Variants in ERCC6L2 observed in about 807,000 individuals in gnomAD.
ERCC6L2 encodes DNA excision repair protein ERCC-6-like 2.
In ERCC6L2, 77 loss-of-function variants were observed where a neutral mutation model predicts 132.0. The observed-to-expected ratio is 0.58, with a 90% CI of 0.49 to 0.71. The LOEUF is 0.71. Among genes scored for constraint, ERCC6L2 ranks in the 30% least tolerant of loss-of-function variants. The probability of loss-of-function intolerance (pLI) is 0.00; values close to 1 mark genes in which losing one functional copy is unlikely to be tolerated. For synonymous variants in ERCC6L2, 583 were observed against 632.4 expected (o/e 0.92, Z 1.17); for missense variants, 1,542 against 1,837.6 (o/e 0.84, Z 2.94).
intron 14 of ERCC6L2, chr9:95,967,512 T>C (rs904327875): frequency 2.0e-5 from 3 of 152,174 alleles, no homozygotes; most frequent in Non-Finnish European, 2.9e-5. Flanking sequence ...TTGAGGAACT[T>C]AAACCATCTT....
intron 19 of ERCC6L2, among the ~76,000 whole-genome samples, chr9:96,029,148 C>CA (rs750944818): frequency 4.6e-5 from 7 of 151,546 alleles, no homozygotes; most frequent in Non-Finnish European, 8.8e-5. Flanking sequence ...ACTAAAAATA[C>CA]AAAAAATTAG....
intron 17 of ERCC6L2, among the ~76,000 whole-genome samples, chr9:95,997,542 A>G (rs1833512325): frequency 6.6e-6 from 1 of 152,284 alleles, no homozygotes; most frequent in South Asian, 2.1e-4. Flanking sequence ...CTTAGTTGAT[A>G]AAGCAGTGGC....
chr9:96,037,961 A>G (rs927395021), intron 19 of ERCC6L2, among the ~76,000 whole-genome samples: 2 of 151,952 alleles, frequency 1.3e-5, no homozygotes, highest in African/African-American at 4.8e-5. Flanking sequence ...GACGGCTGGA[A>G]TAAGGGCAGA....
At chr9:95,977,736 T>C (rs1405011960) in intron 16 of ERCC6L2, among the ~76,000 whole-genome samples, 4 of 145,364 alleles carry the variant, frequency 2.8e-5, no homozygotes, top group Non-Finnish European at 6.1e-5. Context: ...GTGAACATCT[T>C]TTTTTTTTTT....
At chr9:95,880,390 C>G (rs1304249765) in intron 1 of ERCC6L2, among the ~76,000 whole-genome samples, 1 of 152,144 alleles carries the variant, frequency 6.6e-6, no homozygotes, top group African/African-American at 2.4e-5. Flanking sequence ...TTACCAAGTC[C>G]TATTCACGAT....
chr9:95,917,706 A>G (rs1477586477), intron 6 of ERCC6L2, among the ~76,000 whole-genome samples: 5 of 152,214 alleles, frequency 3.3e-5, no homozygotes, highest in African/African-American at 9.6e-5. Flanking sequence ...GGCCTCTGAA[A>G]TCAAATACTA....
chr9:95,939,749 G>A (rs116809712), intron 11 of ERCC6L2, among the ~76,000 whole-genome samples: 1,773 of 151,968 alleles, frequency 0.012, 44 homozygotes, highest in African/African-American at 0.04. Context: ...TTTTATGATG[G>A]CTTTGTTAAA....
At chr9:96,030,481 A>T (rs1255168040) in intron 19 of ERCC6L2, among the ~76,000 whole-genome samples, 1 of 152,012 alleles carries the variant, frequency 6.6e-6, no homozygotes, top group Non-Finnish European at 1.5e-5. Flanking sequence ...GCGGATCACG[A>T]TGTCAGGCGA....
chr9:95,962,000 C>CCCA (rs71368217), intron 13 of ERCC6L2, among the ~76,000 whole-genome samples: 44,816 of 151,746 alleles, frequency 0.3, 6,780 homozygotes, highest in East Asian at 0.4. Flanking sequence ...CTGGATCCCT[C>CCCA]CCACAACACA....
At chr9:95,948,076 A>G (rs867710119) in intron 12 of ERCC6L2, among the ~76,000 whole-genome samples, 10 of 152,180 alleles carry the variant, frequency 6.6e-5, no homozygotes, top group African/African-American at 1.9e-4. Context: ...GTAAGGCTAT[A>G]GCTGTCATAT....
At chr9:95,951,313 G>A (rs1371315522) in intron 12 of ERCC6L2, among the ~76,000 whole-genome samples, 1 of 152,106 alleles carries the variant, frequency 6.6e-6, no homozygotes, top group Non-Finnish European at 1.5e-5. Context: ...CAAAAGTAAT[G>A]CTAAGAGGGA....
rs761045031 is a variant in ERCC6L2 at position 95,881,261 on chromosome 9, G to A, written c.439G>A (p.Gly147Ser). The A allele has an allele frequency of 6.4e-7, 1 of 1,574,444 alleles. No homozygotes were observed. The highest frequency in any genetic ancestry group is 8.6e-7 in the Non-Finnish European group (1 of 1,167,540). ...HYIHGGGCILGDDMGLGKTVQ... is the reference protein window; with the variant it reads ...HYIHGGGCILSDDMGLGKTVQ... ...CATCCATGGAGGAGGGTGCATTCTG[G>A]GTGATGACATGGGACTTGGAAAAAC... The change falls in exon 2 of 19, where the codon GGT becomes AGT. Residue 147 changes from glycine (G) to serine (S), a missense_variant. By Grantham distance (56) the Gly-to-Ser change is moderately conservative. This residue lies in a region of ERCC6L2 where 945 missense variants were observed against 1,105.2 expected (regional missense o/e 0.86). Transcript: ENST00000653738.
At chr9:95,930,457 A>G (rs151004035) in intron 11 of ERCC6L2, among the ~76,000 whole-genome samples, 63 of 152,232 alleles carry the variant, frequency 4.1e-4, no homozygotes, top group African/African-American at 1.5e-3. Context: ...TATATTTAAT[A>G]TGTTGTGACA....
chr9:95,921,462 T>C lies in ERCC6L2; in HGVS notation c.1299+147T>C, dbSNP rs887426108. On this transcript the variant is annotated intron_variant, in intron 7 of 18. Coordinates refer to ENST00000653738, the MANE Select transcript of ERCC6L2 (RefSeq NM_020207.7). Reference sequence around the variant, plus strand: ...TTAAAAAATAGTTTTCAAAAATATTTTACAATATCAAATAGTAATCACATA... The same window carrying C: ...TTAAAAAATAGTTTTCAAAAATATTCTACAATATCAAATAGTAATCACATA... 7.9e-6 allele frequency: 4 copies of C among 507,128 alleles called. No individual in the cohort carries two copies. In the Admixed American group the frequency reaches 1.7e-4, roughly 22 times the overall value. 31.4% of individuals were successfully genotyped at this position (507,128 alleles called of 1,614,324 possible).
At chr9:95,914,066 C>A (rs373518694) in intron 4 of ERCC6L2, among the ~76,000 whole-genome samples, 2 of 152,266 alleles carry the variant, frequency 1.3e-5, no homozygotes, top group East Asian at 3.9e-4. Flanking sequence ...TTTTAAGAAA[C>A]CGCCATCTGT....
chr9:95,899,224 C>T (rs559200537), intron 3 of ERCC6L2, among the ~76,000 whole-genome samples: 2 of 151,954 alleles, frequency 1.3e-5, no homozygotes, highest in Non-Finnish European at 2.9e-5. Flanking sequence ...CCAAGGAAGG[C>T]GAATTGCTTG....
chr9:95,906,972 T>C (rs1829069414), intron 3 of ERCC6L2, 106 bp from the exon 4 acceptor site: 1 of 717,850 alleles, frequency 1.4e-6, no homozygotes, highest in African/African-American at 1.8e-5. Context: ...ACTAACTAGA[T>C]GTCAAAATTA....
At chr9:95,915,116 G>A (rs1411638700) in intron 4 of ERCC6L2, among the ~76,000 whole-genome samples, 2 of 151,958 alleles carry the variant, frequency 1.3e-5, no homozygotes, top group African/African-American at 4.8e-5. Context: ...GTGCTTTTCG[G>A]CTGTTCAGTG....
intron 17 of ERCC6L2, among the ~76,000 whole-genome samples, chr9:96,001,371 G>T (rs929600339): frequency 6.6e-6 from 1 of 152,108 alleles, no homozygotes. Context: ...GCGCTGATTG[G>T]TGCATTTACA....
Sources: allele counts gnomAD v4.1 joint callset (sites outside exome capture counted in the v4.1 genomes callset), GRCh38; gene constraint gnomAD v4.1.1; regional missense constraint gnomAD v4.1.1; transcripts MANE v1.5; gene names NCBI Gene and HGNC (gene_info 2026-07-23, HGNC 2026-07-21).